Variants in PLCL2 observed in about 807,000 individuals in gnomAD.
The protein encoded by PLCL2 is phospholipase C like 2.
PLCL2 carries 4 observed loss-of-function variants against 79.6 expected under a neutral mutation model. The observed-to-expected ratio is 0.05, with a 90% CI of 0.02 to 0.11. PLCL2 has a LOEUF of 0.11. PLCL2 is among the 10% of genes least tolerant of loss of function. The pLI is 1.00. For synonymous variants in PLCL2, 484 were observed against 457.7 expected, an observed-to-expected ratio of 1.06 and a Z score of -0.73; for missense variants, 895 against 1,291.0, an observed-to-expected ratio of 0.69 and a Z score of 4.70.
intron 4 of PLCL2, among the ~76,000 whole-genome samples, chr3:17,063,390 C>T (rs1453215091): frequency 6.8e-6 from 1 of 146,002 alleles, no homozygotes; most frequent in African/African-American, 2.6e-5. Context: ...CCTCTAATGC[C>T]TACTGAACAT....
chr3:17,025,893 G>T (rs1174086516), intron 3 of PLCL2, among the ~76,000 whole-genome samples: 1 of 151,772 alleles, frequency 6.6e-6, no homozygotes, highest in African/African-American at 2.4e-5. Flanking sequence ...TTTCACATGA[G>T]TGGGAAGACT....
At chr3:17,067,605 C>T (rs1317771160) in intron 4 of PLCL2, among the ~76,000 whole-genome samples, 1 of 152,174 alleles carries the variant, frequency 6.6e-6, no homozygotes, top group Non-Finnish European at 1.5e-5. Context: ...TTCTGAGAGT[C>T]CAAGTCCAGA....
intron 1 of PLCL2, among the ~76,000 whole-genome samples, chr3:16,971,384 G>C (rs570947431): frequency 6.6e-5 from 10 of 152,038 alleles, no homozygotes; most frequent in African/African-American, 2.4e-4. Flanking sequence ...GATATGCAGC[G>C]TTATTTCTGA....
At chr3:16,940,642 G>GA (rs530863611) in intron 1 of PLCL2, among the ~76,000 whole-genome samples, 249 of 152,112 alleles carry the variant, frequency 1.6e-3, no homozygotes, top group African/African-American at 5.8e-3. Context: ...ATAAGAGTTG[G>GA]AAAAATTAAA....
chr3:16,916,805 G>A (rs1697006336), intron 1 of PLCL2, among the ~76,000 whole-genome samples: 1 of 152,080 alleles, frequency 6.6e-6, no homozygotes, highest in Admixed American at 6.5e-5. Flanking sequence ...TAAAATCCTT[G>A]ATTTTTCCTC....
At chr3:17,028,636 C>T (rs1469974527) in intron 3 of PLCL2, among the ~76,000 whole-genome samples, 1 of 151,986 alleles carries the variant, frequency 6.6e-6, no homozygotes, top group Non-Finnish European at 1.5e-5. Context: ...ACCAGCATGC[C>T]CGGCTCATTT....
intron 2 of PLCL2, among the ~76,000 whole-genome samples, chr3:17,013,023 T>C (rs2064343931): frequency 6.6e-6 from 1 of 152,248 alleles, no homozygotes; most frequent in African/African-American, 2.4e-5. Flanking sequence ...CCCTATCAAC[T>C]AATTCTATGT....
At chr3:16,971,963 T>C (rs1432507074) in intron 1 of PLCL2, among the ~76,000 whole-genome samples, 2 of 152,068 alleles carry the variant, frequency 1.3e-5, no homozygotes, top group African/African-American at 4.8e-5. Flanking sequence ...GAAAAGGCCT[T>C]TGACAAAATT....
At chr3:16,935,967 T>C (rs117571054) in intron 1 of PLCL2, among the ~76,000 whole-genome samples, 1,626 of 152,306 alleles carry the variant, frequency 0.011, 30 homozygotes, top group Admixed American at 0.045. Context: ...GAAACACTAG[T>C]TAACATCAAA....
intron 4 of PLCL2, among the ~76,000 whole-genome samples, chr3:17,064,796 G>A (rs1050238390): frequency 6.6e-6 from 1 of 151,850 alleles, no homozygotes; most frequent in Non-Finnish European, 1.5e-5. Flanking sequence ...ACGTGTGGTG[G>A]CACGTGCCTG....
chr3:17,027,338 A>G (rs1041604709), intron 3 of PLCL2, among the ~76,000 whole-genome samples: 1 of 152,236 alleles, frequency 6.6e-6, no homozygotes, highest in Non-Finnish European at 1.5e-5. Context: ...TATGAAAGTC[A>G]TATGAACTTC....
intron 1 of PLCL2, among the ~76,000 whole-genome samples, chr3:17,004,204 G>A (rs2064238028): frequency 6.6e-6 from 1 of 152,082 alleles, no homozygotes; most frequent in African/African-American, 2.4e-5. Context: ...AGATTATTGG[G>A]CTTTTTCTTG....
chr3:16,946,581 T>C (rs2063602350), intron 1 of PLCL2, among the ~76,000 whole-genome samples: 1 of 152,214 alleles, frequency 6.6e-6, no homozygotes, highest in South Asian at 2.1e-4. Flanking sequence ...ACAGTTTTTA[T>C]GGGAGAATGA....
intron 1 of PLCL2, among the ~76,000 whole-genome samples, chr3:16,891,992 A>G (rs1368931870): frequency 2.0e-5 from 3 of 152,250 alleles, no homozygotes; most frequent in African/African-American, 7.2e-5. Context: ...CTCTTAGGCA[A>G]CTACATCTTT....
At chr3:17,023,750 C>T (rs2064481066) in intron 3 of PLCL2, among the ~76,000 whole-genome samples, 1 of 152,146 alleles carries the variant, frequency 6.6e-6, no homozygotes. Context: ...TCAAGTCTAT[C>T]ATTTTGGTGG....
At position 16,924,892 on chromosome 3, in the gene PLCL2, T is replaced by C. The variant is rs867942537; in HGVS notation, c.327+39526T>C. Among the ~76,000 whole-genome samples, 8 of 152,276 alleles carry C rather than the reference T, an allele frequency of 5.3e-5. 1 individual carries two copies. The South Asian group carries it at 1.7e-3, about 32-fold the overall frequency. The stretch of plus-strand genomic sequence containing the variant: ...TTAGATTTTATTCAGCTTGATTCCA[T>C]GTGTATGGAATTTAAATCTACAGAA... On this transcript the variant is annotated intron_variant, in intron 1 of 5. Transcript: ENST00000615277.
chr3:17,027,744 G>A (rs764105447), intron 3 of PLCL2, among the ~76,000 whole-genome samples: 1 of 152,150 alleles, frequency 6.6e-6, no homozygotes, highest in African/African-American at 2.4e-5. Flanking sequence ...GGAGGAAGGA[G>A]GAGACTGTTA....
At chr3:17,079,276 C>T (rs2065139162) in intron 5 of PLCL2, among the ~76,000 whole-genome samples, 1 of 152,158 alleles carries the variant, frequency 6.6e-6, no homozygotes, top group Admixed American at 6.5e-5. Flanking sequence ...GAACCCTCTC[C>T]TGACACCCCA....
At chr3:17,067,425 G>T (rs1025855061) in intron 4 of PLCL2, among the ~76,000 whole-genome samples, 3 of 152,260 alleles carry the variant, frequency 2.0e-5, no homozygotes, top group African/African-American at 7.2e-5. Flanking sequence ...ATAAATTCTG[G>T]TGTAGAATAA....
Sources: gnomAD v4.1 joint callset for allele counts (sites outside exome capture counted in the v4.1 genomes callset) on GRCh38, gnomAD v4.1.1 for gene constraint, MANE v1.5 for transcripts, NCBI Gene and HGNC (gene_info 2026-07-23, HGNC 2026-07-21) for gene names.